Variants in GRIN2D observed in about 807,000 individuals in gnomAD.
GRIN2D encodes the protein glutamate receptor ionotropic, NMDA 2D.
GRIN2D carries 37 observed loss-of-function variants against 103.2 expected under a neutral mutation model. The ratio of observed to expected loss-of-function variants is 0.36; its 90% confidence interval spans 0.28 to 0.47. The LOEUF (loss-of-function observed/expected upper bound fraction) is 0.47, where lower values mean the gene tolerates loss of function less well. GRIN2D is among the 20% of genes least tolerant of loss of function. GRIN2D has a pLI of 1.00. For synonymous variants in GRIN2D, 845 were observed against 885.6 expected (o/e 0.95, Z 0.81); for missense variants, 1,557 against 1,910.6 (o/e 0.81, Z 3.45).
chr19:48,429,455 A>G (rs888963456), intron 11 of GRIN2D, among the ~76,000 whole-genome samples: 3 of 152,124 alleles, frequency 2.0e-5, no homozygotes, highest in African/African-American at 7.2e-5. Flanking sequence ...GCTGGAGTGC[A>G]GTGGCGTGAT....
intron 11 of GRIN2D, among the ~76,000 whole-genome samples, chr19:48,430,973 C>G (rs1351521510): frequency 5.3e-5 from 8 of 152,018 alleles, no homozygotes. Flanking sequence ...TCGTGCACCA[C>G]CACGCCCAGC....
chr19:48,443,678 A>C lies in GRIN2D; in HGVS notation c.3752A>C (p.His1251Pro), dbSNP rs896032166. ...RTPAAAAPHHHRHRRAAGGWD... is the reference protein window; with the variant it reads ...RTPAAAAPHHPRHRRAAGGWD... ...CCCGCCGCCGCCGCGCCCCACCACC[A>C]CAGGCACCGGCGCGCCGCTGGGGGC... is the stretch of plus-strand genomic sequence containing the variant. Residue 1251 changes from histidine (H) to proline (P), a missense_variant, in exon 14 of 14, where the codon CAC (histidine) becomes CCC (proline). His to Pro is a moderately conservative substitution (Grantham distance 77). Coordinates refer to ENST00000263269, the MANE Select transcript of GRIN2D (RefSeq NM_000836.4). This position sits in a 1 kb window ranked among gnomAD's most constrained non-coding sequence, Gnocchi z 8.9. 22 of 1,215,112 alleles carry C rather than the reference A, an allele frequency of 1.8e-5. No individual in the cohort carries two copies. The African/African-American group carries it at 3.4e-4, about 19-fold the overall frequency. 75.3% of individuals were successfully genotyped at this position (1,215,112 alleles called of 1,614,324 possible).
intron 11 of GRIN2D, among the ~76,000 whole-genome samples, chr19:48,441,099 T>C (rs1488773749): frequency 1.3e-5 from 2 of 151,972 alleles, no homozygotes; most frequent in Admixed American, 1.3e-4. Context: ...GTGCGGTTGC[T>C]CACGCCTGTA....
chr19:48,444,797 A>T lies in GRIN2D; in HGVS notation c.*860A>T, dbSNP rs1282802517. The T allele has an allele frequency of 6.6e-6, 1 of 152,328 alleles. No individual in the cohort carries two copies. The highest frequency in any genetic ancestry group is 1.5e-5 in the Non-Finnish European group (1 of 68,138). 9.4% of individuals were successfully genotyped at this position (152,328 alleles called of 1,614,324 possible). A position where few individuals can be genotyped will look rare whatever the true frequency, so the allele number is the denominator to read the frequency against. The stretch of plus-strand genomic sequence containing the variant: ...GACCTCCAAAAAGCCTCCTCTGCCC[A>T]GATCTCCAGCCGGGTCTGGGGCTGG... On this transcript the variant is annotated 3_prime_UTR_variant, in exon 14 of 14. Transcript: ENST00000263269. This position sits in a 1 kb window ranked among gnomAD's most constrained non-coding sequence, Gnocchi z 5.5.
intron 11 of GRIN2D, among the ~76,000 whole-genome samples, chr19:48,430,821 C>CTT (rs557084994): frequency 1.8e-4 from 23 of 128,906 alleles, no homozygotes; most frequent in Admixed American, 3.1e-4. Context: ...TTTCTTTTTT[C>CTT]TTTTTTTTTT....
chr19:48,443,879 G>A lies in GRIN2D; in HGVS notation c.3953G>A (p.Gly1318Glu). The A allele has an allele frequency of 6.8e-7, 1 of 1,476,778 alleles. No individual in the cohort carries two copies. Among genetic ancestry groups the A allele is most frequent in the Non-Finnish European group, 8.9e-7 (1 of 1,121,386 alleles). The allele number at this position is 1,476,778 out of a possible 1,614,324, so 91.5% of individuals were successfully genotyped here. Residue 1318 changes from glycine to glutamate, a missense_variant, in exon 14 of 14, where the codon GGG becomes GAG. Physicochemically the swap from Gly to Glu is moderately conservative, Grantham distance 98 (BLOSUM62 -2). Around this residue, in one of 7 missense-constraint regions of GRIN2D, gnomAD observed 88 missense variants for 84.3 expected, o/e 1.04. Transcript: ENST00000263269. The surrounding 1 kb of genome is among the most constrained non-coding windows in gnomAD (Gnocchi z 8.9). ...PTASHRRHRG[G>E]DLGTRRGSAH... ...GCTTCCCACCGGAGACACCGGGGCG[G>A]GGACCTGGGCACCCGCAGGGGCTCG...
chr19:48,414,289 A>G lies in GRIN2D; in HGVS notation c.1201-84A>G. The G allele has an allele frequency of 8.4e-7, 1 of 1,184,550 alleles. No homozygotes were observed. Among genetic ancestry groups the G allele is most frequent in the Non-Finnish European group, 1.2e-6 (1 of 825,704 alleles). The allele number at this position is 1,184,550 out of a possible 1,614,324, so 73.4% of individuals were successfully genotyped here. A position where few individuals can be genotyped will look rare whatever the true frequency, so the allele number is the denominator to read the frequency against. On this transcript the variant is annotated intron_variant, in intron 5 of 13. Transcript: ENST00000263269. The surrounding 1 kb of genome is among the most constrained non-coding windows in gnomAD (Gnocchi z 4.6). ...GGAAGAAGCTGCTGCCCACACACCT[A>G]GGTCTGAGGGAAGAGGATCATGGAG...
intron 4 of GRIN2D, among the ~76,000 whole-genome samples, chr19:48,412,827 TAA>T (rs201379585): frequency 6.9e-4 from 68 of 98,770 alleles, no homozygotes; most frequent in Non-Finnish European, 6.1e-4. Flanking sequence ...AACCACACAT[TAA>T]AAAAAAAAAA....
Position 48,443,172 on chromosome 19 carries a change from G to A in GRIN2D, c.3246G>A (p.Thr1082=). 1.9e-6 allele frequency: 2 copies of A among 1,042,360 alleles called. No homozygotes were observed. The highest frequency in any genetic ancestry group is 2.3e-6 in the Non-Finnish European group (2 of 862,964). 64.6% of individuals were successfully genotyped at this position (1,042,360 alleles called of 1,614,324 possible). A position where few individuals can be genotyped will look rare whatever the true frequency, so the allele number is the denominator to read the frequency against. The change falls in exon 14 of 14, where the codon ACG becomes ACA. Residue 1082 remains threonine, a synonymous_variant. Coordinates refer to ENST00000263269, the MANE Select transcript of GRIN2D (RefSeq NM_000836.4). The surrounding 1 kb of genome is among the most constrained non-coding windows in gnomAD (Gnocchi z 8.9). Reference sequence around the variant, plus strand: ...CAGGCGCGGGCGGCGCGGGGGGCACGGGGGGCGCAGGCGGAGGAGCCCCGG... The same window carrying A: ...CAGGCGCGGGCGGCGCGGGGGGCACAGGGGGCGCAGGCGGAGGAGCCCCGG... ...LGPGAGGAGG[T]GGAGGGAPAA... is the part of the protein sequence containing the mutation.
chr19:48,416,893 C>T (rs1031550329), intron 8 of GRIN2D, among the ~76,000 whole-genome samples: 2 of 152,050 alleles, frequency 1.3e-5, no homozygotes, highest in South Asian at 2.1e-4. Context: ...CACAGGCATG[C>T]ACCACCACGC....
intron 4 of GRIN2D, among the ~76,000 whole-genome samples, chr19:48,409,280 T>C (rs1025091785): frequency 2.0e-3 from 285 of 143,370 alleles, no homozygotes; most frequent in African/African-American, 6.5e-3. Context: ...ATTTCTTTTT[T>C]TTTTTTTTTT....
intron 3 of GRIN2D, among the ~76,000 whole-genome samples, chr19:48,400,739 C>A (rs528160550): frequency 2.6e-5 from 4 of 152,290 alleles, no homozygotes; most frequent in African/African-American, 9.6e-5. Flanking sequence ...CCTCCACCTG[C>A]TGAAGGAAGA....
intron 3 of GRIN2D, among the ~76,000 whole-genome samples, chr19:48,400,981 C>G (rs1311561600): frequency 6.6e-6 from 1 of 151,370 alleles, no homozygotes; most frequent in African/African-American, 2.4e-5. Context: ...CAGGAGTAAT[C>G]GCTTGAACCT....
rs1971346507 is a variant in GRIN2D, at chr19:48,443,947, G to A, written c.*10G>A. The A allele has an allele frequency of 2.2e-6, 3 of 1,382,634 alleles. No homozygotes were observed. The highest frequency in any genetic ancestry group is 2.8e-6 in the Non-Finnish European group (3 of 1,066,602). 85.6% of individuals were successfully genotyped at this position (1,382,634 alleles called of 1,614,324 possible). On this transcript the variant is annotated 3_prime_UTR_variant, in exon 14 of 14. Coordinates refer to ENST00000263269, the MANE Select transcript of GRIN2D (RefSeq NM_000836.4). The surrounding 1 kb of genome is among the most constrained non-coding windows in gnomAD (Gnocchi z 8.9). ...CGAGTCCGAGGTATGACGCGGCCCC[G>A]GGGGCCCCACCGCCCCCTTGGTCAG...
Position 48,443,436 on chromosome 19 carries a change from C to G in GRIN2D, c.3510C>G (p.Pro1170=), listed in dbSNP as rs1600998435. The G allele has an allele frequency of 1.4e-6, 2 of 1,389,882 alleles. No homozygotes were observed. Among genetic ancestry groups the G allele is most frequent in the Non-Finnish European group, 9.3e-7 (1 of 1,077,078 alleles). The allele number at this position is 1,389,882 out of a possible 1,614,324, so 86.1% of individuals were successfully genotyped here. Residue 1170 remains proline (P), a synonymous_variant, in exon 14 of 14, where the codon CCC becomes CCG. Transcript: ENST00000263269. This position sits in a 1 kb window ranked among gnomAD's most constrained non-coding sequence, Gnocchi z 8.9. ...GWRAGSWDYL[P]PRSGPAAWHC... is the part of the protein sequence containing the mutation. ...GCGCCGGGAGCTGGGACTACCTGCC[C>G]CCGCGCAGCGGTCCGGCCGCCTGGC...
chr19:48,433,734 T>C (rs1224472071), intron 11 of GRIN2D, among the ~76,000 whole-genome samples: 1 of 151,668 alleles, frequency 6.6e-6, no homozygotes, highest in African/African-American at 2.4e-5. Context: ...GTAAGCATTA[T>C]TTTTTTTTCT....
chr19:48,441,973 G>A lies in GRIN2D; in HGVS notation c.2440+17G>A, dbSNP rs1198837249. On this transcript the variant is annotated intron_variant, in intron 12 of 13. Transcript: ENST00000263269. ...TGGGGGATGGTGCGGCTGCACACAG[G>A]GATTTCCACAGCGGAGAGGGGGAGG... 6 of 1,593,942 alleles carry A rather than the reference G, an allele frequency of 3.8e-6. No individual in the cohort carries two copies. The South Asian group carries it at 6.6e-5, about 18-fold the overall frequency.
In GRIN2D at chr19:48,441,920, C is replaced by A. The variant is rs376604382; in HGVS notation, c.2404C>A (p.Pro802Thr). 1 of 1,610,912 alleles carries A rather than the reference C, an allele frequency of 6.2e-7. No homozygotes were observed. Among genetic ancestry groups the A allele is most frequent in the Non-Finnish European group, 8.5e-7 (1 of 1,179,416 alleles). Reference protein sequence around the residue: ...ALHKGSRWKRPIDLALLQFLG... With the variant: ...ALHKGSRWKRTIDLALLQFLG... ...GCACAAGGGCTCCCGCTGGAAGCGG[C>A]CCATCGACCTGGCGTTGCTGCAGTT... Residue 802 changes from proline (P) to threonine (T), a missense_variant, in exon 12 of 14, where the codon CCC (proline) becomes ACC (threonine). Pro to Thr is a conservative substitution (Grantham distance 38). Transcript: ENST00000263269.
At chr19:48,420,841 A>G (rs938408711) in intron 10 of GRIN2D, among the ~76,000 whole-genome samples, 1 of 152,202 alleles carries the variant, frequency 6.6e-6, no homozygotes, top group East Asian at 1.9e-4. Flanking sequence ...CCTAAAAAAA[A>G]GCCAAACTCA....
Sources: gnomAD v4.1 joint callset for allele counts (sites outside exome capture counted in the v4.1 genomes callset) on GRCh38, gnomAD v4.1.1 for gene constraint, gnomAD v4.1.1 regional missense constraint, Gnocchi (gnomAD v3.1) non-coding constraint, MANE v1.5 for transcripts, NCBI Gene and HGNC (gene_info 2026-07-23, HGNC 2026-07-21) for gene names.